INTS1: variants seen among roughly 807,000 people sequenced by gnomAD.
INTS1 encodes integrator complex subunit 1.
A neutral mutation model predicts 241.6 loss-of-function variants in INTS1; 137 were observed. The ratio of observed to expected loss-of-function variants is 0.57; its 90% CI spans 0.49 to 0.65. The LOEUF (loss-of-function observed/expected upper bound fraction) is 0.65, where lower values mean the gene tolerates loss of function less well. INTS1 is among the 30% of genes least tolerant of loss of function. The pLI is 0.00. For missense variants in INTS1, 3,073 were observed against 3,032.2 expected, an observed-to-expected ratio of 1.01 and a Z score of -0.32; for synonymous variants, 1,692 against 1,337.8, an observed-to-expected ratio of 1.26 and a Z score of -5.78.
chr7:1,480,395 T>C lies in INTS1; in HGVS notation c.3996A>G (p.Ile1332Met). ...PKPKSSPEQPIGQGRIRVGTQ... is the reference protein window; with the variant it reads ...PKPKSSPEQPMGQGRIRVGTQ... ...TCCCCACCCGAATCCGGCCCTGGCC[T>C]ATGGGCTGCTCTGGGCTGCTCTTTG... The change falls in exon 30 of 48, where the codon ATA (isoleucine) becomes ATG (methionine). Residue 1332 changes from isoleucine to methionine, a missense_variant. By Grantham distance (10) the Ile-to-Met change is conservative. Coordinates refer to ENST00000404767, the MANE Select transcript of INTS1 (RefSeq NM_001080453.3). 1 of 1,613,270 alleles carries C rather than the reference T, an allele frequency of 6.2e-7. No individual in the cohort carries two copies. Among genetic ancestry groups the C allele is most frequent in the Non-Finnish European group, 8.5e-7 (1 of 1,179,726 alleles).
Position 1,476,053 on chromosome 7 carries a change from G to A in INTS1, c.5397C>T (p.Cys1799=), listed in dbSNP as rs1241962096. 1 of 1,544,442 alleles carries A rather than the reference G, an allele frequency of 6.5e-7. No homozygotes were observed. Among genetic ancestry groups the A allele is most frequent in the Admixed American group, 2.0e-5 (1 of 50,990 alleles). ...GGTAGAGCTGCAGGAGAAGGTCTCG[G>A]CAGCGCCTGCCCAGCACGCTGGAAG... ...QWGDSVLGRR[C]RDLLLQLYLQ... is the part of the protein sequence containing the mutation. Residue 1799 remains cysteine (C), a synonymous_variant, in exon 39 of 48, where the codon TGC becomes TGT. Transcript: ENST00000404767.
intron 1 of INTS1, 62 bp downstream of exon 1, chr7:1,504,261 T>G (rs1783355033): frequency 1.7e-6 from 1 of 579,490 alleles, no homozygotes; most frequent in Non-Finnish European, 3.2e-6. Flanking sequence ...CCGGGAGCGG[T>G]AGCCGGGAGA....
intron 14 of INTS1, chr7:1,494,467 G>C (rs1206680123): frequency 5.2e-6 from 2 of 385,712 alleles, no homozygotes; most frequent in African/African-American, 4.1e-5. Flanking sequence ...ACAGTGTGCG[G>C]CTGTCTGGAC....
chr7:1,501,695 C>A (rs918445731), intron 3 of INTS1, among the ~76,000 whole-genome samples: 24 of 152,314 alleles, frequency 1.6e-4, no homozygotes, highest in African/African-American at 5.5e-4. Flanking sequence ...CCCACCGGCA[C>A]CAGCTGCCCA....
intron 24 of INTS1, among the ~76,000 whole-genome samples, chr7:1,484,520 C>T (rs1349884180): frequency 1.3e-5 from 2 of 152,214 alleles, no homozygotes; most frequent in African/African-American, 2.4e-5. Flanking sequence ...ACAAGAGAAC[C>T]GTGATGCAAA....
chr7:1,478,313 T>C, intron 33 of INTS1, 53 bp downstream of exon 33: 1 of 1,594,354 alleles, frequency 6.3e-7, no homozygotes, highest in Non-Finnish European at 8.6e-7. Flanking sequence ...GAGCCTCAGG[T>C]TTGGGTCTTC....
In INTS1 at chr7:1,480,986, G is replaced by A. The variant is rs761645452; in HGVS notation, c.3851-53C>T. On this transcript the variant is annotated intron_variant, in intron 28 of 47. Transcript: ENST00000404767. ...GGCGCGGCCAGGGGCCAGGGAGCAG[G>A]TCCTTCCCTCTCCACAGAAACCAGA... 6.0e-6 allele frequency: 8 copies of A among 1,344,268 alleles called. No individual in the cohort carries two copies. In the South Asian group the frequency reaches 8.6e-5, roughly 15 times the overall value. 83.3% of individuals were successfully genotyped at this position (1,344,268 alleles called of 1,614,324 possible).
At chr7:1,495,189 A>C (rs766302282) in intron 13 of INTS1, among the ~76,000 whole-genome samples, 18 of 152,330 alleles carry the variant, frequency 1.2e-4, no homozygotes, top group Non-Finnish European at 2.4e-4. Context: ...CAGAGGCTCC[A>C]CGGGAGGCTC....
At chr7:1,500,396 G>C in intron 3 of INTS1, 30 bp from the exon 4 acceptor site, 1 of 1,521,638 alleles carries the variant, frequency 6.6e-7, no homozygotes, top group Non-Finnish European at 8.8e-7. Context: ...CGGTCAGAAC[G>C]GGGCCAGGGC....
At chr7:1,496,841 G>T (rs1782886844) in intron 11 of INTS1, among the ~76,000 whole-genome samples, 1 of 152,172 alleles carries the variant, frequency 6.6e-6, no homozygotes, top group Non-Finnish European at 1.5e-5. Flanking sequence ...GCAGCCCGCA[G>T]CCCCACCCTG....
intron 20 of INTS1, 76 bp downstream of exon 20, chr7:1,487,244 C>T: frequency 6.5e-7 from 1 of 1,529,928 alleles, no homozygotes; most frequent in Non-Finnish European, 8.8e-7. Context: ...CTGCCCTCTT[C>T]TGGCCACCAA....
At chr7:1,496,986 C>T (rs528143151) in intron 11 of INTS1, among the ~76,000 whole-genome samples, 152 bp downstream of exon 11, 2 of 152,164 alleles carry the variant, frequency 1.3e-5, no homozygotes, top group Non-Finnish European at 2.9e-5. Context: ...CCCTCTGGGA[C>T]GCGTCACCGC....
rs1469630703 is a variant in INTS1 at position 1,481,243 on chromosome 7, C to T, written c.3850+99G>A. ...AGTGCCACCCACACCCACCCGACCT[C>T]GGATCACCCACCCGCTCGCACCCAG... On this transcript the variant is annotated intron_variant, in intron 28 of 47. Transcript: ENST00000404767. This position sits in a 1 kb window ranked among gnomAD's most constrained non-coding sequence, Gnocchi z 6.8. 5.0e-6 allele frequency: 7 copies of T among 1,407,660 alleles called. No homozygotes were observed. The highest frequency in any genetic ancestry group is 4.8e-5 in the East Asian group (2 of 41,982). 87.2% of individuals were successfully genotyped at this position (1,407,660 alleles called of 1,614,324 possible).
rs748002206 is a variant in INTS1 at position 1,478,353 on chromosome 7, G to A, written c.4630+13C>T. The A allele has an allele frequency of 1.9e-6, 3 of 1,611,048 alleles. No homozygotes were observed. Among genetic ancestry groups the A allele is most frequent in the Middle Eastern group, 1.6e-4 (1 of 6,076 alleles). On this transcript the variant is annotated intron_variant, in intron 33 of 47. Coordinates refer to ENST00000404767, the MANE Select transcript of INTS1 (RefSeq NM_001080453.3). The stretch of plus-strand genomic sequence containing the variant: ...GGCCGCCGTGGCCCAAGAGGATGGT[G>A]CCAGGAAGGTACCTTTGCTGATCAG...
intron 5 of INTS1, 100 bp from the exon 6 acceptor site, chr7:1,499,732 T>C (rs1783063168): frequency 6.8e-7 from 1 of 1,475,652 alleles, no homozygotes; most frequent in Non-Finnish European, 9.1e-7. Context: ...CAGGCGGCCC[T>C]CTCCAGCTTC....
In INTS1 at chr7:1,498,529, G is replaced by C; in HGVS notation, c.1308C>G (p.Asp436Glu). 1.2e-6 allele frequency: 2 copies of C among 1,613,850 alleles called. No homozygotes were observed. Among genetic ancestry groups the C allele is most frequent in the Non-Finnish European group, 1.7e-6 (2 of 1,179,868 alleles). The change falls in exon 10 of 48, where the codon GAC becomes GAG. Residue 436 changes from aspartate to glutamate, a missense_variant. By Grantham distance (45) the Asp-to-Glu change is conservative (BLOSUM62 2). Coordinates refer to ENST00000404767, the MANE Select transcript of INTS1 (RefSeq NM_001080453.3). ...CIRELLSAHK[D>E]NLGTTIKLVI... ...CCAACTTGATGGTGGTGCCCAGGTT[G>C]TCCTTGTGCGCGCTCAGCAGCTCCC...
At chr7:1,482,866 G>T in intron 26 of INTS1, 159 bp from the exon 27 acceptor site, 2 of 795,632 alleles carry the variant, frequency 2.5e-6, no homozygotes, top group Non-Finnish European at 4.0e-6. Context: ...TGCTATGTGC[G>T]GATGCTTTGC....
At chr7:1,483,535 G>A in intron 26 of INTS1, 1 of 617,378 alleles carries the variant, frequency 1.6e-6, no homozygotes, top group Non-Finnish European at 3.0e-6. Context: ...CCACCACGTG[G>A]GGATCTCCCA....
chr7:1,487,799 C>T lies in INTS1; in HGVS notation c.2477G>A (p.Ser826Asn). Residue 826 changes from serine (S) to asparagine (N), a missense_variant, in exon 19 of 48, where the codon AGC (serine) becomes AAC (asparagine). Transcript: ENST00000404767. ...ASTKQTITES[S>N]SLLLSQLTSL... is the part of the protein sequence containing the mutation. ...GGTGAGCTGCGACAGGAGGAGGCTG[C>T]TGCTCTCAGTGATGGTCTGCTTGGT... The T allele has an allele frequency of 6.2e-7, 1 of 1,611,742 alleles. No individual in the cohort carries two copies.
Sources: allele counts gnomAD v4.1 joint callset (sites outside exome capture counted in the v4.1 genomes callset), GRCh38; gene constraint gnomAD v4.1.1; non-coding constraint Gnocchi (gnomAD v3.1); transcripts MANE v1.5; gene names NCBI Gene and HGNC (gene_info 2026-07-23, HGNC 2026-07-21).